The following CCDC32 variants were observed in gnomAD, a reference collection of about 807,000 sequenced individuals.
CCDC32 encodes coiled-coil domain-containing protein 32.
In CCDC32, 9 loss-of-function variants were observed where a neutral mutation model predicts 20.1. The observed-to-expected ratio is 0.45, with a 90% CI of 0.27 to 0.78. The LOEUF is 0.78. Among genes scored for constraint, CCDC32 ranks in the 30% least tolerant of loss-of-function variants. The pLI is 0.16. For synonymous variants in CCDC32, 63 were observed against 79.0 expected, an observed-to-expected ratio of 0.80 and a Z score of 1.07; for missense variants, 204 against 215.5, an observed-to-expected ratio of 0.95 and a Z score of 0.33.
chr15:40,551,929 G>A (rs1233030395), downstream of CCDC32, among the ~76,000 whole-genome samples: 2 of 152,030 alleles, frequency 1.3e-5, no homozygotes, highest in Non-Finnish European at 2.9e-5. Flanking sequence ...AAGGTGGAAG[G>A]ATAGCTTGAG....
At position 40,553,941 on chromosome 15, in the gene CCDC32, TGTGTGTGTGTGTGTGTG is replaced by T; in HGVS notation, c.*13_*29del. ...GTGTGTGTGTGTGTGTGTGTGTGTG[TGTGTGTGTGTGTGTGTG>T]TGTGTGTGTAATTTACTGTTCTGCT... On this transcript the variant is annotated 3_prime_UTR_variant, in exon 4 of 4. Coordinates refer to ENST00000416810, the MANE Select transcript of CCDC32 (RefSeq NM_001080792.4). 1.8e-6 allele frequency: 1 copy of T among 550,590 alleles called. No individual in the cohort carries two copies. The allele number at this position is 550,590 out of a possible 1,614,324, so 34.1% of individuals were successfully genotyped here.
At chr15:40,561,727 G>A (rs962598428) in intron 2 of CCDC32, among the ~76,000 whole-genome samples, 2 of 151,976 alleles carry the variant, frequency 1.3e-5, no homozygotes, top group Non-Finnish European at 2.9e-5. Flanking sequence ...CAAGCGCGGT[G>A]GCACACGCCT....
chr15:40,532,493 A>G (rs1159062390), downstream of CCDC32, among the ~76,000 whole-genome samples: 3 of 152,164 alleles, frequency 2.0e-5, no homozygotes, highest in African/African-American at 4.8e-5. Context: ...ATTAATTTTC[A>G]TCCCTGCTTC....
At chr15:40,558,307 C>G (rs1325936929) in intron 2 of CCDC32, among the ~76,000 whole-genome samples, 1 of 151,968 alleles carries the variant, frequency 6.6e-6, no homozygotes, top group Non-Finnish European at 1.5e-5. Context: ...AAACAAATAC[C>G]TTTTGTTCCT....
chr15:40,564,022 C>G (rs979495682), intron 1 of CCDC32, among the ~76,000 whole-genome samples: 3 of 151,956 alleles, frequency 2.0e-5, no homozygotes, highest in Non-Finnish European at 4.4e-5. Context: ...GGGGTTTCAC[C>G]GTTTAGCCAG....
At chr15:40,539,330 T>TGCC (rs1263816228) in exon 4 of CCDC32, 1 of 1,535,574 alleles carries the variant, frequency 6.5e-7, no homozygotes, top group South Asian at 1.2e-5. Context: ...AAGCTGCTGC[T>TGCC]GCCAGGGGTT....
chr15:40,549,542 T>C (rs1398500434), downstream of CCDC32, among the ~76,000 whole-genome samples: 1 of 152,210 alleles, frequency 6.6e-6, no homozygotes, highest in African/African-American at 2.4e-5. Context: ...TCAAAGCACC[T>C]TGTGCTTACA....
the CCDC32 span, among the ~76,000 whole-genome samples, chr15:40,523,333 C>T: frequency 2.7e-4 from 41 of 151,718 alleles, no homozygotes; most frequent in Non-Finnish European, 5.0e-4. Context: ...GGAGAAACCC[C>T]GTCTCCACTA....
intron 1 of CCDC32, among the ~76,000 whole-genome samples, chr15:40,564,238 G>C (rs1890869535): frequency 6.6e-6 from 1 of 152,174 alleles, no homozygotes. Flanking sequence ...CAAGGGCTGT[G>C]TGCTCAGCGC....
At chr15:40,528,867 G>C in intron 3 of CCDC32, 1 of 667,210 alleles carries the variant, frequency 1.5e-6, no homozygotes. Flanking sequence ...GTGGCTCTGA[G>C]CCTGGGATTT....
chr15:40,563,457 G>C (rs1331451345), intron 1 of CCDC32, among the ~76,000 whole-genome samples: 1 of 152,166 alleles, frequency 6.6e-6, no homozygotes, highest in African/African-American at 2.4e-5. Context: ...AGGTACCTGA[G>C]TAGTCAAATT....
At chr15:40,528,868 C>T (rs1429849289) in intron 3 of CCDC32, 1 of 665,682 alleles carries the variant, frequency 1.5e-6, no homozygotes, top group South Asian at 1.7e-5. Context: ...TGGCTCTGAG[C>T]CTGGGATTTC....
downstream of CCDC32, among the ~76,000 whole-genome samples, chr15:40,530,764 G>C (rs538711817): frequency 1.3e-5 from 2 of 150,002 alleles, no homozygotes; most frequent in East Asian, 3.9e-4. Flanking sequence ...TGTCACCCAG[G>C]CTGGAGTGCA....
At chr15:40,557,946 C>G (rs982403592) in intron 2 of CCDC32, 1 of 152,030 alleles carries the variant, frequency 6.6e-6, no homozygotes, top group Non-Finnish European at 1.5e-5. Context: ...AAGAATCTCC[C>G]AACATTTTTT....
chr15:40,528,005 A>T (rs1236361995), downstream of CCDC32, among the ~76,000 whole-genome samples: 2 of 152,250 alleles, frequency 1.3e-5, no homozygotes, highest in Non-Finnish European at 2.9e-5. Flanking sequence ...CCTGTGGCCT[A>T]TCTTCAGTAA....
Position 40,563,000 on chromosome 15 carries a change from T to G in CCDC32, c.16A>C (p.Ser6Arg). The change falls in exon 2 of 4, where the codon AGC (serine) becomes CGC (arginine). Residue 6 changes from serine to arginine, a missense_variant. Physicochemically the swap from Ser to Arg is moderately radical, Grantham distance 110. Transcript: ENST00000416810. Reference protein sequence around the residue: MKMFESADSTATRSGQ... With the variant: MKMFERADSTATRSGQ... Reference sequence around the variant, plus strand: ...GATCTTGTGGCTGTAGAGTCAGCGCTCTCAAACATTTTCATTTGGAATCTG... The same window carrying G: ...GATCTTGTGGCTGTAGAGTCAGCGCGCTCAAACATTTTCATTTGGAATCTG... 6.2e-7 allele frequency: 1 copy of G among 1,614,074 alleles called. No homozygotes were observed. The highest frequency in any genetic ancestry group is 1.1e-5 in the South Asian group (1 of 91,082).
chr15:40,544,702 T>C (rs553091499), intron 3 of CCDC32, among the ~76,000 whole-genome samples: 3 of 151,046 alleles, frequency 2.0e-5, no homozygotes, highest in African/African-American at 7.3e-5. Context: ...CAGCTCTATA[T>C]GTCTTAGACT....
At chr15:40,542,594 C>T (rs1282952516) in intron 3 of CCDC32, among the ~76,000 whole-genome samples, 4 of 152,158 alleles carry the variant, frequency 2.6e-5, no homozygotes, top group Admixed American at 1.3e-4. Context: ...CTGGGCCGGG[C>T]GCAGTGGCTC....
downstream of CCDC32, chr15:40,539,187 G>A: frequency 6.8e-7 from 1 of 1,465,754 alleles, no homozygotes; most frequent in Non-Finnish European, 9.2e-7. Context: ...CCACAGAAAG[G>A]TCAATCCCAC....
Sources: gnomAD v4.1 joint callset for allele counts (sites outside exome capture counted in the v4.1 genomes callset) on GRCh38, gnomAD v4.1.1 for gene constraint, MANE v1.5 for transcripts, NCBI Gene and HGNC (gene_info 2026-07-23, HGNC 2026-07-21) for gene names.